The following VWF variants were observed in gnomAD, a reference collection of about 807,000 sequenced individuals.
VWF encodes von Willebrand factor.
A neutral mutation model predicts 308.6 loss-of-function variants in VWF; 176 were observed. The ratio of observed to expected loss-of-function variants is 0.57; its 90% CI spans 0.50 to 0.65. The LOEUF (loss-of-function observed/expected upper bound fraction) is 0.65. Ranked by LOEUF, VWF falls within the 30% of genes least tolerant of loss-of-function variation. The probability of loss-of-function intolerance (pLI) is 0.00; values close to 1 mark genes in which losing one functional copy is unlikely to be tolerated. For missense variants in VWF, 3,146 were observed against 3,648.2 expected (o/e 0.86, Z 3.55); for synonymous variants, 1,385 against 1,443.4 (o/e 0.96, Z 0.92).
chr12:6,082,123 C>T (rs1429867513), intron 6 of VWF, among the ~76,000 whole-genome samples: 1 of 152,042 alleles, frequency 6.6e-6, no homozygotes, highest in Non-Finnish European at 1.5e-5. Flanking sequence ...CACACCACCA[C>T]GCCCGGCTAA....
At chr12:6,015,755 A>G (rs1379042020) in intron 31 of VWF, among the ~76,000 whole-genome samples, 1 of 152,258 alleles carries the variant, frequency 6.6e-6, no homozygotes. Context: ...CTCTGGCCTC[A>G]GACATGACAT....
chr12:5,955,366 A>C (rs1027056399), intron 47 of VWF, among the ~76,000 whole-genome samples: 65 of 139,800 alleles, frequency 4.6e-4, no homozygotes, highest in African/African-American at 6.3e-4. Context: ...ATCCCTCCCC[A>C]CTCCCCCCAC....
rs896463429 is a variant in VWF at position 6,075,621 on chromosome 12, G to C, written c.658-70C>G. On this transcript the variant is annotated intron_variant, in intron 6 of 51. Transcript: ENST00000261405. This position sits in a 1 kb window ranked among gnomAD's most constrained non-coding sequence, Gnocchi z 4.7. The stretch of plus-strand genomic sequence containing the variant: ...TCCCTGAGTGTGGCACTGAGACTTA[G>C]CCCTGCTAGGGAAACCAAGGCAGCT... 1.4e-5 allele frequency: 21 copies of C among 1,537,336 alleles called. 1 individual carries two copies. The East Asian group carries it at 4.4e-4, about 32-fold the overall frequency.
At position 6,044,422 on chromosome 12, in the gene VWF, TG is replaced by T. The variant is rs776747320; in HGVS notation, c.2310del (p.Met771TrpfsTer30). ...RSKRSLSCRP[P>X]MVKLVCPADN... ...TCAGCGGGACACACCAGCTTGACCA[TG>T]GGGGGCCGACAGGATAGGCTCCTTT... On this transcript the variant is annotated frameshift_variant, in exon 18 of 52. Transcript: ENST00000261405. LOFTEE classifies it high-confidence loss of function. 6.2e-7 allele frequency: 1 copy of T among 1,614,170 alleles called. No homozygotes were observed. Among genetic ancestry groups the T allele is most frequent in the African/African-American group, 1.3e-5 (1 of 75,052 alleles).
rs770786924 is a variant in VWF at position 6,019,613 on chromosome 12, C to A, written c.3805G>T (p.Asp1269Tyr). 6.2e-7 allele frequency: 1 copy of A among 1,613,946 alleles called. No homozygotes were observed. The highest frequency in any genetic ancestry group is 1.7e-5 in the Admixed American group (1 of 60,016). ...VEDISEPPLH[D>Y]FYCSRLLDLV... ...TCCAGTAGCCTGCTGCAGTAGAAAT[C>A]GTGCAACGGCGGTTCCGAGATGTCC... The change falls in exon 28 of 52, where the codon GAT becomes TAT. Residue 1269 changes from aspartate (D) to tyrosine (Y), a missense_variant. Around this residue, in one of 3 missense-constraint regions of VWF, gnomAD observed 853 missense variants for 1,177.8 expected, o/e 0.72. Transcript: ENST00000261405. This position sits in a 1 kb window ranked among gnomAD's most constrained non-coding sequence, Gnocchi z 5.8.
At position 6,072,677 on chromosome 12, in the gene VWF, G is replaced by A. The variant is rs1944794704; in HGVS notation, c.998-235C>T. Among the ~76,000 whole-genome samples the A allele has an allele frequency of 2.6e-5, 4 of 152,136 alleles. No individual in the cohort carries two copies. In the South Asian group the frequency reaches 8.3e-4, roughly 32 times the overall value. Reference sequence around the variant, plus strand: ...TGTTCCAGGTCATCCAGTAGGGGAGGCACAAGTCTGGGCTTAGGGCTTCTT... The same window carrying A: ...TGTTCCAGGTCATCCAGTAGGGGAGACACAAGTCTGGGCTTAGGGCTTCTT... On this transcript the variant is annotated intron_variant, in intron 8 of 51. Coordinates refer to ENST00000261405, the MANE Select transcript of VWF (RefSeq NM_000552.5).
At chr12:5,968,943 G>A (rs559802879) in intron 45 of VWF, among the ~76,000 whole-genome samples, 1 of 152,324 alleles carries the variant, frequency 6.6e-6, no homozygotes, top group East Asian at 1.9e-4. Context: ...TCCCCTGGGT[G>A]AAACGTCACA....
intron 5 of VWF, among the ~76,000 whole-genome samples, chr12:6,109,128 A>C (rs927035007): frequency 6.6e-6 from 1 of 152,080 alleles, no homozygotes; most frequent in Non-Finnish European, 1.5e-5. Flanking sequence ...ACACACCTAT[A>C]ATTCCACTAG....
chr12:6,041,699 A>G (rs1465372890), intron 18 of VWF, among the ~76,000 whole-genome samples: 1 of 152,118 alleles, frequency 6.6e-6, no homozygotes, highest in African/African-American at 2.4e-5. Flanking sequence ...CGCCCGCCTC[A>G]GCCTCCCAAA....
chr12:6,074,010 ATGTATAACT>A (rs1230523739), intron 7 of VWF, among the ~76,000 whole-genome samples: 2 of 151,932 alleles, frequency 1.3e-5, no homozygotes, highest in African/African-American at 4.8e-5. Context: ...CCTGCTCTCC[ATGTATAACT>A]TGGCATTCTT....
intron 6 of VWF, among the ~76,000 whole-genome samples, chr12:6,087,780 C>T (rs1310304300): frequency 2.0e-5 from 3 of 152,070 alleles, no homozygotes; most frequent in African/African-American, 7.2e-5. Flanking sequence ...GATTCTCAAC[C>T]AACTCTGAGT....
At chr12:6,121,658 C>T (rs1945432807) in intron 2 of VWF, among the ~76,000 whole-genome samples, 1 of 152,222 alleles carries the variant, frequency 6.6e-6, no homozygotes, top group African/African-American at 2.4e-5. Flanking sequence ...TGGCCGGGCA[C>T]AGTGGCTCAC....
intron 7 of VWF, among the ~76,000 whole-genome samples, chr12:6,074,613 A>C (rs2136473436): frequency 6.6e-6 from 1 of 151,984 alleles, no homozygotes; most frequent in South Asian, 2.1e-4. Context: ...TTTGCCACAC[A>C]CTGAGACACA....
intron 5 of VWF, among the ~76,000 whole-genome samples, chr12:6,106,117 A>G (rs1257659467): frequency 1.3e-5 from 2 of 152,344 alleles, no homozygotes; most frequent in East Asian, 3.9e-4. Context: ...AGCTTTATTC[A>G]CTATAGGCAA....
At chr12:5,979,706 T>C in intron 42 of VWF, among the ~76,000 whole-genome samples, 1 of 145,968 alleles carries the variant, frequency 6.9e-6, no homozygotes. Context: ...GCCAAGATCG[T>C]GCCACTGCAC....
intron 40 of VWF, among the ~76,000 whole-genome samples, chr12:5,984,482 G>A (rs941338416): frequency 1.2e-4 from 18 of 152,226 alleles, no homozygotes; most frequent in African/African-American, 3.6e-4. Context: ...AATTGTACAA[G>A]CCTGTGCTTT....
chr12:6,050,203 C>CATTCAAGTTCAGA (rs1342011984), intron 16 of VWF, among the ~76,000 whole-genome samples: 2 of 152,192 alleles, frequency 1.3e-5, no homozygotes, highest in Admixed American at 6.5e-5. Context: ...TCCTCACAGG[C>CATTCAAGTTCAGA]ATTCAAGTTC....
rs182416368 is a variant in VWF, at chr12:5,972,520, C to T, written c.7438-811G>A. ...AAAGAGTAACCACAGCTGTTCAGGA[C>T]GGGTGTGGATGGCAGCCTGCTCTGC... On this transcript the variant is annotated intron_variant, in intron 43 of 51. Coordinates refer to ENST00000261405, the MANE Select transcript of VWF (RefSeq NM_000552.5). 4.6e-3 allele frequency among the ~76,000 whole-genome samples: 703 copies of T among 152,322 alleles called. 5 individuals are homozygous for T. Among genetic ancestry groups the T allele is most frequent in the Non-Finnish European group, 7.7e-3 (522 of 68,030 alleles).
At chr12:5,968,298 C>T in intron 45 of VWF, 131 bp from the exon 46 acceptor site, 1 of 1,136,248 alleles carries the variant, frequency 8.8e-7, no homozygotes. Flanking sequence ...CCCTTTCCCC[C>T]CACCCCACAA....
Sources: gnomAD v4.1 joint callset for allele counts (sites outside exome capture counted in the v4.1 genomes callset) on GRCh38, gnomAD v4.1.1 for gene constraint, gnomAD v4.1.1 regional missense constraint, Gnocchi (gnomAD v3.1) non-coding constraint, MANE v1.5 for transcripts, NCBI Gene and HGNC (gene_info 2026-07-23, HGNC 2026-07-21) for gene names.